PRKG1: variants seen among roughly 807,000 people sequenced by gnomAD.
PRKG1 encodes protein kinase cGMP-dependent 1.
In PRKG1, 35 loss-of-function variants were observed where a neutral mutation model predicts 88.1. The ratio of observed to expected loss-of-function variants is 0.40; its 90% CI spans 0.30 to 0.53. The LOEUF (loss-of-function observed/expected upper bound fraction) is 0.53, where lower values mean the gene tolerates loss of function less well. PRKG1 is among the 20% of genes least tolerant of loss of function. PRKG1 has a pLI of 0.59. For missense variants in PRKG1, 540 were observed against 839.8 expected (o/e 0.64, Z 4.41); for synonymous variants, 303 against 292.5 (o/e 1.04, Z -0.37).
intron 4 of PRKG1, among the ~76,000 whole-genome samples, chr10:51,850,677 G>T (rs559853595): frequency 6.6e-6 from 1 of 152,138 alleles, no homozygotes; most frequent in African/African-American, 2.4e-5. Context: ...ACAGAAAAAT[G>T]GGCAAAGGTC....
intron 3 of PRKG1, among the ~76,000 whole-genome samples, chr10:51,722,871 A>G (rs1031585976): frequency 1.3e-5 from 2 of 152,240 alleles, no homozygotes; most frequent in African/African-American, 4.8e-5. Context: ...TCAGTCTCGC[A>G]GAAAAGTTCA....
intron 10 of PRKG1, among the ~76,000 whole-genome samples, chr10:52,265,746 T>C (rs927297658): frequency 1.3e-5 from 2 of 152,098 alleles, no homozygotes; most frequent in Non-Finnish European, 2.9e-5. Flanking sequence ...AGGCCAGTAT[T>C]ATGCAGACAT....
At chr10:51,812,929 C>A (rs1244060643) in intron 4 of PRKG1, among the ~76,000 whole-genome samples, 1 of 152,096 alleles carries the variant, frequency 6.6e-6, no homozygotes, top group African/African-American at 2.4e-5. Context: ...TGTCAACTTC[C>A]GATGGCCAGC....
At chr10:51,060,931 T>C (rs889576982) in intron 1 of PRKG1, among the ~76,000 whole-genome samples, 4 of 152,234 alleles carry the variant, frequency 2.6e-5, no homozygotes, top group African/African-American at 9.6e-5. Flanking sequence ...TATTGTCTTA[T>C]GGCTTTCACT....
intron 2 of PRKG1, among the ~76,000 whole-genome samples, chr10:51,292,511 A>T (rs1840609157): frequency 6.6e-6 from 1 of 152,154 alleles, no homozygotes; most frequent in Non-Finnish European, 1.5e-5. Context: ...AGAGTACAAA[A>T]TACCTTTGAA....
At chr10:51,583,638 T>C (rs900014685) in intron 3 of PRKG1, among the ~76,000 whole-genome samples, 2 of 152,148 alleles carry the variant, frequency 1.3e-5, no homozygotes, top group African/African-American at 4.8e-5. Flanking sequence ...GTATGCCATT[T>C]ACCTTAGTCT....
chr10:51,033,133 A>G (rs1365817930), intron 1 of PRKG1, among the ~76,000 whole-genome samples: 1 of 152,134 alleles, frequency 6.6e-6, no homozygotes, highest in South Asian at 2.1e-4. Flanking sequence ...ATCTCCAGAC[A>G]TAACTACAGT....
intron 2 of PRKG1, among the ~76,000 whole-genome samples, chr10:51,206,940 A>G (rs780462238): frequency 7.2e-5 from 11 of 152,182 alleles, no homozygotes; most frequent in Non-Finnish European, 1.5e-4. Context: ...AAAGTGTGAA[A>G]TTTCAGTTTT....
At chr10:51,795,362 A>G (rs1838982337) in intron 3 of PRKG1, among the ~76,000 whole-genome samples, 1 of 152,118 alleles carries the variant, frequency 6.6e-6, no homozygotes, top group South Asian at 2.1e-4. Context: ...CAATTTTATG[A>G]CCCATCCTCT....
intron 7 of PRKG1, among the ~76,000 whole-genome samples, chr10:52,068,428 TA>T (rs1846413555): frequency 6.6e-6 from 1 of 152,164 alleles, no homozygotes; most frequent in Non-Finnish European, 1.5e-5. Context: ...AGCATATGGC[TA>T]AGAGATCCAG....
intron 3 of PRKG1, among the ~76,000 whole-genome samples, chr10:51,713,189 C>T (rs1841804662): frequency 6.6e-6 from 1 of 152,174 alleles, no homozygotes; most frequent in African/African-American, 2.4e-5. Context: ...ATTTCACCAG[C>T]AGCCACATTT....
At chr10:51,975,407 A>T (rs1843806969) in intron 5 of PRKG1, among the ~76,000 whole-genome samples, 1 of 152,074 alleles carries the variant, frequency 6.6e-6, no homozygotes, top group African/African-American at 2.4e-5. Context: ...ATAGGTTATG[A>T]CACAATCAGA....
intron 1 of PRKG1, among the ~76,000 whole-genome samples, chr10:51,097,523 CT>C (rs968386583): frequency 6.6e-6 from 1 of 151,832 alleles, no homozygotes; most frequent in Admixed American, 6.6e-5. Flanking sequence ...CACACTCTGC[CT>C]TTTTTTTGCA....
intron 9 of PRKG1, among the ~76,000 whole-genome samples, chr10:52,226,315 C>T (rs1443125991): frequency 6.6e-6 from 1 of 152,080 alleles, no homozygotes; most frequent in African/African-American, 2.4e-5. Context: ...GCATAACTGA[C>T]TTGCATGATT....
At chr10:52,078,369 T>C (rs907037122) in intron 7 of PRKG1, among the ~76,000 whole-genome samples, 1 of 152,232 alleles carries the variant, frequency 6.6e-6, no homozygotes, top group Non-Finnish European at 1.5e-5. Context: ...GATAAATGTA[T>C]GGTTTTTATG....
At chr10:52,239,948 A>G (rs1399987420) in intron 9 of PRKG1, among the ~76,000 whole-genome samples, 1 of 152,230 alleles carries the variant, frequency 6.6e-6, no homozygotes, top group Non-Finnish European at 1.5e-5. Flanking sequence ...TCATCTCAAT[A>G]TACAAATCCT....
At chr10:52,197,189 T>A (rs907472491) in intron 9 of PRKG1, among the ~76,000 whole-genome samples, 3 of 152,054 alleles carry the variant, frequency 2.0e-5, no homozygotes, top group Admixed American at 6.5e-5. Context: ...CAGTGTTAGA[T>A]CTCAGAGTTC....
At chr10:51,624,409 G>T (rs532439428) in intron 3 of PRKG1, among the ~76,000 whole-genome samples, 46 of 152,286 alleles carry the variant, frequency 3.0e-4, no homozygotes, top group African/African-American at 9.6e-4. Context: ...AATTGTTGTT[G>T]TCGGTCTCTA....
At chr10:51,651,630 C>A (rs1840041904) in intron 3 of PRKG1, among the ~76,000 whole-genome samples, 1 of 150,796 alleles carries the variant, frequency 6.6e-6, no homozygotes, top group Admixed American at 6.6e-5. Flanking sequence ...TGTCACCAGG[C>A]TGGAGTACAG....
Sources: gnomAD v4.1 joint callset for allele counts (sites outside exome capture counted in the v4.1 genomes callset) on GRCh38, gnomAD v4.1.1 for gene constraint, MANE v1.5 for transcripts, NCBI Gene and HGNC (gene_info 2026-07-23, HGNC 2026-07-21) for gene names.